Variants in POMK observed in about 807,000 individuals in gnomAD.
POMK encodes the protein Sugen kinase 196.
A neutral mutation model predicts 23.0 loss-of-function variants in POMK; 19 were observed. That is an observed-to-expected ratio of 0.83 (90% confidence interval 0.58 to 1.21). The LOEUF (loss-of-function observed/expected upper bound fraction) is 1.21, where lower values mean the gene tolerates loss of function less well. Among genes scored for constraint, POMK ranks in the 50% most tolerant of loss-of-function variants. POMK has a pLI of 0.00. For missense variants in POMK, 410 were observed against 431.3 expected (o/e 0.95, Z 0.44); for synonymous variants, 173 against 171.6 (o/e 1.01, Z -0.06).
intron 1 of POMK, among the ~76,000 whole-genome samples, chr8:43,096,193 A>G (rs948278087): frequency 6.6e-6 from 1 of 152,206 alleles, no homozygotes; most frequent in Non-Finnish European, 1.5e-5. Context: ...TATCCCAGAA[A>G]GGGAGCCTTT....
At chr8:43,119,084 T>TA (rs1375583136) in intron 4 of POMK, among the ~76,000 whole-genome samples, 2 of 152,190 alleles carry the variant, frequency 1.3e-5, no homozygotes, top group Non-Finnish European at 2.9e-5. Flanking sequence ...GTGCTGGGAT[T>TA]ACAGGCATGA....
In POMK at chr8:43,122,574, T is replaced by TG; in HGVS notation, c.754dup (p.Asp252GlyfsTer20). The TG allele has an allele frequency of 1.2e-6, 2 of 1,614,168 alleles. No homozygotes were observed. The highest frequency in any genetic ancestry group is 2.7e-5 in the African/African-American group (2 of 75,040). ...TGAAGTGCGGCCACAGGGAGCTGCA[T>TG]GGGGATTTCGTGGCTCCAGAGCAAC... On this transcript the variant is annotated frameshift_variant, in exon 5 of 5. Coordinates refer to ENST00000331373, the MANE Select transcript of POMK (RefSeq NM_032237.5). LOFTEE classifies it high-confidence loss of function.
intron 2 of POMK, among the ~76,000 whole-genome samples, chr8:43,099,316 A>C (rs527667622): frequency 6.6e-6 from 1 of 152,250 alleles, no homozygotes; most frequent in South Asian, 2.1e-4. Context: ...AGACATCCAC[A>C]TGGAGATGTC....
intron 2 of POMK, among the ~76,000 whole-genome samples, chr8:43,099,422 T>G (rs1359766175): frequency 6.6e-6 from 1 of 152,226 alleles, no homozygotes; most frequent in African/African-American, 2.4e-5. Context: ...TGAGTCTGGG[T>G]GAGCTCTCCC....
intron 2 of POMK, among the ~76,000 whole-genome samples, chr8:43,099,336 A>G (rs1447804053): frequency 5.9e-5 from 9 of 152,214 alleles, no homozygotes; most frequent in Non-Finnish European, 1.3e-4. Context: ...CAAGGAAGCA[A>G]GCCTTGGGTT....
chr8:43,118,997 G>C (rs770398733), intron 4 of POMK, among the ~76,000 whole-genome samples: 4 of 152,224 alleles, frequency 2.6e-5, no homozygotes, highest in Middle Eastern at 3.4e-3. Context: ...ATTTTTAGTA[G>C]AGATGGGATT....
At chr8:43,096,712 G>A (rs1469919802) in intron 1 of POMK, among the ~76,000 whole-genome samples, 1 of 152,196 alleles carries the variant, frequency 6.6e-6, no homozygotes, top group African/African-American at 2.4e-5. Flanking sequence ...CTCCCTGCAT[G>A]TATCAGAGAA....
chr8:43,114,557 G>A (rs1374646592), intron 4 of POMK, among the ~76,000 whole-genome samples: 2 of 152,236 alleles, frequency 1.3e-5, no homozygotes, highest in Non-Finnish European at 2.9e-5. Context: ...GACCCCTTGC[G>A]CTTCCTGAGT....
At chr8:43,116,764 A>G (rs574982030) in intron 4 of POMK, among the ~76,000 whole-genome samples, 97 of 152,358 alleles carry the variant, frequency 6.4e-4, no homozygotes, top group African/African-American at 2.1e-3. Flanking sequence ...TGTACTTTAT[A>G]TAAGTATTAT....
chr8:43,107,926 G>A (rs189171037), intron 4 of POMK, among the ~76,000 whole-genome samples: 197 of 152,264 alleles, frequency 1.3e-3, no homozygotes, highest in African/African-American at 4.4e-3. Flanking sequence ...CAGGCAATCC[G>A]CCTGCCTTGG....
intron 4 of POMK, among the ~76,000 whole-genome samples, chr8:43,112,977 C>T (rs970280690): frequency 1.2e-4 from 19 of 152,164 alleles, no homozygotes; most frequent in Non-Finnish European, 2.1e-4. Flanking sequence ...TTGTAAAGAC[C>T]ATCAAGGCTA....
intron 2 of POMK, among the ~76,000 whole-genome samples, chr8:43,100,365 C>T (rs1273514574): frequency 1.3e-5 from 2 of 151,876 alleles, no homozygotes; most frequent in East Asian, 1.9e-4. Flanking sequence ...TGAGGAAGTT[C>T]CAAAGCAAGC....
At chr8:43,114,700 C>T (rs769072492) in intron 4 of POMK, among the ~76,000 whole-genome samples, 2 of 152,228 alleles carry the variant, frequency 1.3e-5, no homozygotes, top group Admixed American at 1.3e-4. Flanking sequence ...CTGTCTTCTG[C>T]GTCGCTCACG....
intron 4 of POMK, among the ~76,000 whole-genome samples, chr8:43,110,745 C>A (rs1379287243): frequency 6.6e-6 from 1 of 152,166 alleles, no homozygotes; most frequent in Non-Finnish European, 1.5e-5. Context: ...AAAACCCCAT[C>A]TCTATTAGAA....
chr8:43,102,837 C>T (rs1449696104), intron 3 of POMK, among the ~76,000 whole-genome samples: 1 of 152,212 alleles, frequency 6.6e-6, no homozygotes, highest in Non-Finnish European at 1.5e-5. Context: ...CGGTAGAGCC[C>T]ACACATTATC....
intron 4 of POMK, among the ~76,000 whole-genome samples, chr8:43,114,836 A>C (rs1811760717): frequency 6.6e-6 from 1 of 152,236 alleles, no homozygotes; most frequent in African/African-American, 2.4e-5. Flanking sequence ...TCAAGGACAC[A>C]GTACACCTGT....
chr8:43,101,101 G>C (rs966177513), intron 2 of POMK, among the ~76,000 whole-genome samples: 6 of 152,040 alleles, frequency 3.9e-5, no homozygotes, highest in Non-Finnish European at 8.8e-5. Flanking sequence ...TGATGCAGGG[G>C]ATGAGTAGAG....
chr8:43,113,257 G>A (rs1228270870), intron 4 of POMK, among the ~76,000 whole-genome samples: 3 of 152,188 alleles, frequency 2.0e-5, no homozygotes, highest in Admixed American at 6.5e-5. Context: ...CCAATCAGAC[G>A]TAGATTTGGT....
chr8:43,123,083 G>C lies in POMK; in HGVS notation c.*206G>C, dbSNP rs1215644656. On this transcript the variant is annotated 3_prime_UTR_variant, in exon 5 of 5. Transcript: ENST00000331373. ...TTTTTTTTTTTTTCTTTGAGATGCG[G>C]TCTTGCTCTGTTGCTGAGGCTGGAG... The C allele has an allele frequency of 1.1e-5, 6 of 534,302 alleles. No individual in the cohort carries two copies. Among genetic ancestry groups the C allele is most frequent in the African/African-American group, 1.9e-5 (1 of 52,026 alleles). The allele number at this position is 534,302 out of a possible 1,614,324, so 33.1% of individuals were successfully genotyped here. A position where few individuals can be genotyped will look rare whatever the true frequency, so the allele number is the denominator to read the frequency against.
Sources: allele counts gnomAD v4.1 joint callset (sites outside exome capture counted in the v4.1 genomes callset), GRCh38; gene constraint gnomAD v4.1.1; transcripts MANE v1.5; gene names NCBI Gene and HGNC (gene_info 2026-07-23, HGNC 2026-07-21).